Variants in PIEZO2 observed in about 807,000 individuals in gnomAD.
PIEZO2 encodes piezo type mechanosensitive ion channel component 2, also known as piezo-type mechanosensitive ion channel component 2.
Under a neutral mutation model 337.3 loss-of-function variants are expected in PIEZO2, and 172 were observed. The observed-to-expected ratio is 0.51, with a 90% CI of 0.45 to 0.58. The LOEUF (loss-of-function observed/expected upper bound fraction) is 0.58, where lower values mean the gene tolerates loss of function less well. Ranked by LOEUF, PIEZO2 falls within the 20% of genes least tolerant of loss-of-function variation. PIEZO2 has a pLI of 0.00. For synonymous variants in PIEZO2, 1,251 were observed against 1,228.5 expected (o/e 1.02, Z -0.38); for missense variants, 3,028 against 3,391.3 (o/e 0.89, Z 2.66).
chr18:10,719,834 T>A (rs1034396897), intron 36 of PIEZO2, among the ~76,000 whole-genome samples: 5 of 152,136 alleles, frequency 3.3e-5, no homozygotes, highest in Non-Finnish European at 7.4e-5. Context: ...CAAATAAACC[T>A]TTTTACAAAA....
intron 7 of PIEZO2, among the ~76,000 whole-genome samples, chr18:10,817,293 G>A (rs1264051072): frequency 6.6e-6 from 1 of 152,052 alleles, no homozygotes; most frequent in Non-Finnish European, 1.5e-5. Flanking sequence ...TATCAAATAC[G>A]ATGAACACCA....
chr18:10,897,630 C>A (rs1467983315), intron 4 of PIEZO2, among the ~76,000 whole-genome samples: 1 of 152,178 alleles, frequency 6.6e-6, no homozygotes, highest in Non-Finnish European at 1.5e-5. Flanking sequence ...GTCCATTAAA[C>A]CTCTCTTTCT....
chr18:10,852,635 G>T (rs1372215560), intron 7 of PIEZO2, among the ~76,000 whole-genome samples: 3 of 152,180 alleles, frequency 2.0e-5, no homozygotes, highest in Non-Finnish European at 4.4e-5. Context: ...TGTCTTGAAA[G>T]GATGCAAACC....
chr18:10,922,680 G>A (rs1486399204), intron 3 of PIEZO2, among the ~76,000 whole-genome samples: 1 of 152,012 alleles, frequency 6.6e-6, no homozygotes, highest in African/African-American at 2.4e-5. Flanking sequence ...GTGCAGCAGG[G>A]GATGTGCAGC....
rs543215550 is a variant in PIEZO2, at chr18:10,920,235, C to T, written c.287-9007G>A. Among the ~76,000 whole-genome samples the T allele has an allele frequency of 4.3e-4, 66 of 152,232 alleles. 1 individual carries two copies. In the South Asian group the frequency reaches 0.013, roughly 31 times the overall value. ...TATTATCTTTCTACATCTAGTCCCA[C>T]TCTCAGAAACAATGGGGCAATTGGG... On this transcript the variant is annotated intron_variant, in intron 3 of 55. Transcript: ENST00000674853.
At chr18:10,709,793 A>T (rs1375001070) in intron 39 of PIEZO2, among the ~76,000 whole-genome samples, 2 of 152,234 alleles carry the variant, frequency 1.3e-5, no homozygotes, top group African/African-American at 2.4e-5. Context: ...CTATGTGACC[A>T]AGACAGGGGC....
intron 49 of PIEZO2, among the ~76,000 whole-genome samples, chr18:10,684,829 A>G (rs2034475832): frequency 6.6e-6 from 1 of 151,934 alleles, no homozygotes; most frequent in African/African-American, 2.4e-5. Context: ...CCCCTTTCCT[A>G]GGCCATTCAA....
chr18:11,130,141 A>G (rs1025381633), intron 1 of PIEZO2, among the ~76,000 whole-genome samples: 13 of 152,232 alleles, frequency 8.5e-5, no homozygotes, highest in African/African-American at 3.1e-4. Context: ...AGGACTTGGA[A>G]GATGCAGAGG....
chr18:10,717,174 G>A (rs1180059424), intron 37 of PIEZO2, among the ~76,000 whole-genome samples: 1 of 152,196 alleles, frequency 6.6e-6, no homozygotes, highest in East Asian at 1.9e-4. Flanking sequence ...TGTTTTGAGA[G>A]AGTTAAACAA....
At chr18:11,081,823 G>A (rs1475036898) in intron 1 of PIEZO2, among the ~76,000 whole-genome samples, 9 of 150,926 alleles carry the variant, frequency 6.0e-5, no homozygotes, top group African/African-American at 2.0e-4. Flanking sequence ...GCAGTGGTGC[G>A]GTCTCAGCTT....
chr18:10,762,501 C>A lies in PIEZO2; in HGVS notation c.3248G>T (p.Arg1083Met), dbSNP rs1232600322. 2 of 1,537,154 alleles carry A rather than the reference C, an allele frequency of 1.3e-6. No homozygotes were observed. The highest frequency in any genetic ancestry group is 1.7e-6 in the Non-Finnish European group (2 of 1,146,898). ...AACTAAGCACGACAAAGCCATTACCCTCAGGTAGACTAGCAGAGGCGAAGA... is the reference window on the plus strand; with the variant it reads ...AACTAAGCACGACAAAGCCATTACCATCAGGTAGACTAGCAGAGGCGAAGA... The part of the protein sequence containing the change: ...RKSSPLLVYL[R>M]NNLLMLAILA... The change falls in exon 23 of 56, where the codon AGG (arginine) becomes ATG (methionine). Residue 1083 changes from arginine to methionine, a missense_variant and splice_region_variant. Around this residue, in one of 5 missense-constraint regions of PIEZO2, gnomAD observed 1,925 missense variants for 2,051.9 expected, o/e 0.94. Transcript: ENST00000674853.
chr18:10,896,293 G>A (rs1036912642), intron 4 of PIEZO2, among the ~76,000 whole-genome samples: 3 of 151,988 alleles, frequency 2.0e-5, no homozygotes, highest in African/African-American at 7.3e-5. Flanking sequence ...GAAGGTGCTG[G>A]TGACCATCTG....
chr18:11,039,143 C>T (rs1469487466), intron 2 of PIEZO2, among the ~76,000 whole-genome samples: 1 of 152,272 alleles, frequency 6.6e-6, no homozygotes, highest in East Asian at 1.9e-4. Flanking sequence ...ACCTCTATAG[C>T]TTAAAGTAAT....
rs1187079464 is a variant in PIEZO2 at position 10,903,230 on chromosome 18, A to G, written c.329+7956T>C. Among the ~76,000 whole-genome samples the G allele has an allele frequency of 2.0e-5, 3 of 151,878 alleles. No individual in the cohort carries two copies. The highest frequency in any genetic ancestry group is 4.4e-5 in the Non-Finnish European group (3 of 67,988). Reference sequence around the variant, plus strand: ...CTATCTTGGTCGAGACATTATAATCACTCTCCTGAACTACTGCAGCAGCTT... The same window carrying G: ...CTATCTTGGTCGAGACATTATAATCGCTCTCCTGAACTACTGCAGCAGCTT... On this transcript the variant is annotated intron_variant, in intron 4 of 55. Transcript: ENST00000674853. The surrounding 1 kb of genome is among the most constrained non-coding windows in gnomAD (Gnocchi z 4.1).
chr18:10,983,919 C>T (rs1448642144), intron 2 of PIEZO2, among the ~76,000 whole-genome samples: 2 of 152,064 alleles, frequency 1.3e-5, no homozygotes, highest in Non-Finnish European at 1.5e-5. Flanking sequence ...CAGTACCAGG[C>T]CTGGTTTTGT....
rs184552958 is a variant in PIEZO2, at chr18:11,040,359, T to C, written c.160+25768A>G. On this transcript the variant is annotated intron_variant, in intron 2 of 55. Transcript: ENST00000674853. ...ATTTTATTTATTTTTCTTTATATCT[T>C]AAGTCCTAACTAAGAAAATATCCAA... 1.2e-4 allele frequency among the ~76,000 whole-genome samples: 18 copies of C among 152,336 alleles called. No homozygotes were observed. The East Asian group carries it at 2.9e-3, about 24-fold the overall frequency.
At chr18:11,049,691 A>T (rs2037451058) in intron 2 of PIEZO2, among the ~76,000 whole-genome samples, 2 of 152,040 alleles carry the variant, frequency 1.3e-5, no homozygotes, top group Non-Finnish European at 2.9e-5. Context: ...GTCTCAAGAG[A>T]TCTGATGATT....
At chr18:11,015,311 G>A (rs1344655105) in intron 2 of PIEZO2, among the ~76,000 whole-genome samples, 2 of 151,268 alleles carry the variant, frequency 1.3e-5, no homozygotes, top group Non-Finnish European at 3.0e-5. Flanking sequence ...ACCCAGATCC[G>A]GGGCCCCCTC....
In PIEZO2 at chr18:11,069,364, A is replaced by G. The variant is rs2038261435; in HGVS notation, c.65-3142T>C. On this transcript the variant is annotated intron_variant, in intron 1 of 55. Coordinates refer to ENST00000674853, the MANE Select transcript of PIEZO2 (RefSeq NM_001378183.1). This position sits in a 1 kb window ranked among gnomAD's most constrained non-coding sequence, Gnocchi z 4.9. ...TGGGCTTTATCCCAGGGATGCAAGA[A>G]TGGTTCAACATACCTATAGCTGTCA... Among the ~76,000 whole-genome samples, 1 of 152,176 alleles carries G rather than the reference A, an allele frequency of 6.6e-6. No homozygotes were observed. Among genetic ancestry groups the G allele is most frequent in the Admixed American group, 6.5e-5 (1 of 15,284 alleles).
Sources: gnomAD v4.1 joint callset for allele counts (sites outside exome capture counted in the v4.1 genomes callset) on GRCh38, gnomAD v4.1.1 for gene constraint, gnomAD v4.1.1 regional missense constraint, Gnocchi (gnomAD v3.1) non-coding constraint, MANE v1.5 for transcripts, NCBI Gene and HGNC (gene_info 2026-07-23, HGNC 2026-07-21) for gene names.